SPATA6: variants seen among roughly 807,000 people sequenced by gnomAD.
SPATA6 encodes the protein spermatogenesis associated 6.
Under a neutral mutation model 65.3 loss-of-function variants are expected in SPATA6, and 56 were observed. The observed-to-expected ratio is 0.86, with a 90% CI of 0.69 to 1.07. SPATA6 has a LOEUF of 1.07. Among genes scored for constraint, SPATA6 ranks in the 50% least tolerant of loss-of-function variants. The probability of loss-of-function intolerance (pLI) is 0.00; values close to 1 mark genes in which losing one functional copy is unlikely to be tolerated. For synonymous variants in SPATA6, 199 were observed against 213.2 expected, an observed-to-expected ratio of 0.93 and a Z score of 0.58; for missense variants, 590 against 594.8, an observed-to-expected ratio of 0.99 and a Z score of 0.08.
the SPATA6 span, among the ~76,000 whole-genome samples, chr1:48,270,041 G>T: frequency 1.3e-5 from 2 of 152,066 alleles, no homozygotes; most frequent in African/African-American, 4.8e-5. Flanking sequence ...TGAATTCTAT[G>T]ATATACCAAA....
chr1:48,372,412 T>C (rs1647381300), intron 9 of SPATA6, among the ~76,000 whole-genome samples: 1 of 152,180 alleles, frequency 6.6e-6, no homozygotes, highest in African/African-American at 2.4e-5. Flanking sequence ...CACATCCAGC[T>C]CACACTGATG....
intron 11 of SPATA6, among the ~76,000 whole-genome samples, chr1:48,355,208 C>T (rs1472518039): frequency 6.6e-6 from 1 of 152,104 alleles, no homozygotes; most frequent in African/African-American, 2.4e-5. Context: ...ACCTGACAAA[C>T]CTGACCTGCC....
At chr1:48,408,649 A>G (rs1249621385) in intron 5 of SPATA6, among the ~76,000 whole-genome samples, 4 of 152,222 alleles carry the variant, frequency 2.6e-5, no homozygotes, top group Admixed American at 1.3e-4. Flanking sequence ...TGATAAAGAC[A>G]TACCTGAGAA....
intron 11 of SPATA6, among the ~76,000 whole-genome samples, chr1:48,333,691 G>C (rs1379884737): frequency 6.7e-6 from 1 of 148,178 alleles, no homozygotes; most frequent in Non-Finnish European, 1.5e-5. Flanking sequence ...GCATCAAAAA[G>C]TTAGAAAGAT....
chr1:48,278,072 C>T, the SPATA6 span, among the ~76,000 whole-genome samples: 2 of 152,144 alleles, frequency 1.3e-5, no homozygotes, highest in Non-Finnish European at 2.9e-5. Context: ...AGGCAAACAG[C>T]GTCTGGAGTG....
At chr1:48,420,546 A>G (rs886108212) in intron 3 of SPATA6, among the ~76,000 whole-genome samples, 13 of 152,190 alleles carry the variant, frequency 8.5e-5, no homozygotes, top group Admixed American at 3.9e-4. Flanking sequence ...AGGACACTCA[A>G]TTGGTATCTG....
chr1:48,342,153 A>G (rs1423448949), intron 11 of SPATA6, among the ~76,000 whole-genome samples: 1 of 152,188 alleles, frequency 6.6e-6, no homozygotes, highest in African/African-American at 2.4e-5. Context: ...CTCTGTCACA[A>G]TTCTCACCTC....
chr1:48,451,999 C>A (rs557581416), intron 2 of SPATA6, among the ~76,000 whole-genome samples: 2 of 152,282 alleles, frequency 1.3e-5, no homozygotes, highest in African/African-American at 2.4e-5. Flanking sequence ...CCTTCTCTGA[C>A]CACCTTTTAA....
In SPATA6 at chr1:48,451,593, G is replaced by A. The variant is rs370109534; in HGVS notation, c.197C>T (p.Pro66Leu). The change falls in exon 3 of 13, where the codon CCG becomes CTG. Residue 66 changes from proline to leucine, a missense_variant. Physicochemically the swap from Pro to Leu is moderately conservative, Grantham distance 98. Coordinates refer to ENST00000371847, the MANE Select transcript of SPATA6 (RefSeq NM_019073.4). ...NARMVFEKVF[P>L]DAVDPGDVVT... The stretch of plus-strand genomic sequence containing the variant: ...CACATCTCCAGGATCTACTGCGTCC[G>A]GGAACACCTATAGTGAGACGATACA... The A allele has an allele frequency of 3.4e-5, 55 of 1,611,732 alleles. No homozygotes were observed. In the South Asian group the frequency reaches 4.1e-4, roughly 12 times the overall value.
chr1:48,356,510 C>CTTTTTTTTT (rs910154922), intron 10 of SPATA6, among the ~76,000 whole-genome samples: 4 of 122,736 alleles, frequency 3.3e-5, no homozygotes, highest in African/African-American at 9.1e-5. Flanking sequence ...TTTGTCCTTT[C>CTTTTTTTTT]TTTTTTTTTT....
At chr1:48,386,512 A>G (rs145290801) in intron 8 of SPATA6, among the ~76,000 whole-genome samples, 273 of 152,336 alleles carry the variant, frequency 1.8e-3, no homozygotes, top group African/African-American at 6.4e-3. Flanking sequence ...AGATCAGCCA[A>G]TAGAGAATAC....
intron 11 of SPATA6, among the ~76,000 whole-genome samples, chr1:48,334,227 C>T (rs1277998289): frequency 6.6e-6 from 1 of 151,926 alleles, no homozygotes; most frequent in Admixed American, 6.6e-5. Flanking sequence ...ACCATTCTTA[C>T]TAAAACTATT....
chr1:48,424,639 T>C (rs1819627), intron 3 of SPATA6, among the ~76,000 whole-genome samples: 148,906 of 152,312 alleles, frequency 0.98, 72,875 homozygotes, highest in East Asian at 1. Context: ...TCCACATCCT[T>C]ACCAGCATTT....
chr1:48,428,866 T>C (rs1021109735), intron 3 of SPATA6, among the ~76,000 whole-genome samples: 2 of 124,640 alleles, frequency 1.6e-5, no homozygotes, highest in Non-Finnish European at 3.6e-5. Flanking sequence ...TATATATATA[T>C]ACACGTGTGT....
At chr1:48,432,579 T>C (rs1404302056) in intron 3 of SPATA6, among the ~76,000 whole-genome samples, 2 of 152,268 alleles carry the variant, frequency 1.3e-5, no homozygotes, top group African/African-American at 4.8e-5. Flanking sequence ...ACAACTAAAA[T>C]GAGATACCAT....
intron 11 of SPATA6, among the ~76,000 whole-genome samples, chr1:48,354,402 T>C (rs1471556456): frequency 6.6e-6 from 1 of 152,090 alleles, no homozygotes; most frequent in Non-Finnish European, 1.5e-5. Flanking sequence ...CCAAATAAAA[T>C]GTATGCAATG....
At chr1:48,411,354 T>G (rs1206055075) in intron 5 of SPATA6, 110 bp downstream of exon 5, 2 of 1,256,342 alleles carry the variant, frequency 1.6e-6, no homozygotes, top group African/African-American at 1.5e-5. Context: ...TTAAGTAAAC[T>G]AAATTACACT....
At chr1:48,446,342 G>A (rs149680358) in intron 3 of SPATA6, among the ~76,000 whole-genome samples, 4 of 152,102 alleles carry the variant, frequency 2.6e-5, no homozygotes, top group Non-Finnish European at 5.9e-5. Context: ...GGCTATTTAC[G>A]GGGAGGTATT....
chr1:48,449,919 G>A (rs1332197096), intron 3 of SPATA6, among the ~76,000 whole-genome samples: 1 of 152,196 alleles, frequency 6.6e-6, no homozygotes, highest in African/African-American at 2.4e-5. Flanking sequence ...GAGTGAACAT[G>A]TAATAAGATT....
Sources: allele counts gnomAD v4.1 joint callset (sites outside exome capture counted in the v4.1 genomes callset), GRCh38; gene constraint gnomAD v4.1.1; transcripts MANE v1.5; gene names NCBI Gene and HGNC (gene_info 2026-07-23, HGNC 2026-07-21).